The following CLEC1A variants were observed in gnomAD, a reference collection of about 807,000 sequenced individuals.
CLEC1A encodes the protein C-type lectin domain family 1 member A, also known as C-type lectin-like receptor-1.
A neutral mutation model predicts 28.7 loss-of-function variants in CLEC1A; 34 were observed. That is an observed-to-expected ratio of 1.18 (90% CI 0.90 to 1.57). The LOEUF is 1.57. Ranked by LOEUF, CLEC1A falls within the 40% of genes most tolerant of loss-of-function variation. CLEC1A has a pLI of 0.00. For missense variants in CLEC1A, 385 were observed against 339.5 expected (o/e 1.13, Z -1.05); for synonymous variants, 116 against 121.0 (o/e 0.96, Z 0.27).
At chr12:10,071,542 A>G in intron 5 of CLEC1A, 29 bp from the exon 6 acceptor site, 1 of 1,505,242 alleles carries the variant, frequency 6.6e-7, no homozygotes, top group Non-Finnish European at 9.0e-7. Context: ...AGTAAATTCA[A>G]TCACGGTTTA....
chr12:10,092,231 C>T (rs573452956), intron 1 of CLEC1A, among the ~76,000 whole-genome samples: 22 of 152,322 alleles, frequency 1.4e-4, no homozygotes, highest in East Asian at 5.8e-4. Flanking sequence ...CCGCCAGGCA[C>T]GGTGGCTTAG....
chr12:10,076,103 G>C (rs1253104238), intron 3 of CLEC1A, among the ~76,000 whole-genome samples: 2 of 152,286 alleles, frequency 1.3e-5, no homozygotes, highest in East Asian at 3.9e-4. Context: ...ATGATGTGGA[G>C]TCTTTTTAAG....
intron 1 of CLEC1A, among the ~76,000 whole-genome samples, chr12:10,096,983 G>T (rs1424212454): frequency 6.6e-6 from 1 of 152,096 alleles, no homozygotes; most frequent in Non-Finnish European, 1.5e-5. Flanking sequence ...TTACTCCTTA[G>T]TTGAGAATTG....
At position 10,071,266 on chromosome 12, in the gene CLEC1A, T is replaced by C. The variant is rs1866120250; in HGVS notation, c.*67A>G. 7.1e-7 allele frequency: 1 copy of C among 1,414,044 alleles called. No individual in the cohort carries two copies. The highest frequency in any genetic ancestry group is 2.3e-5 in the East Asian group (1 of 43,250). The allele number at this position is 1,414,044 out of a possible 1,614,324, so 87.6% of individuals were successfully genotyped here. A position where few individuals can be genotyped will look rare whatever the true frequency, so the allele number is the denominator to read the frequency against. On this transcript the variant is annotated 3_prime_UTR_variant, in exon 6 of 6. Coordinates refer to ENST00000315330, the MANE Select transcript of CLEC1A (RefSeq NM_016511.4). ...TTCCTGATTATGTTCCATTTCCCAATGTCTCAACTAGCCCTTGCTTTGGCA... is the reference window on the plus strand; with the variant it reads ...TTCCTGATTATGTTCCATTTCCCAACGTCTCAACTAGCCCTTGCTTTGGCA...
In CLEC1A at chr12:10,081,373, G is replaced by A. The variant is rs1339357413; in HGVS notation, c.255C>T (p.Thr85=). 1.9e-6 allele frequency: 3 copies of A among 1,612,490 alleles called. No individual in the cohort carries two copies. The highest frequency in any genetic ancestry group is 2.5e-6 in the Non-Finnish European group (3 of 1,179,340). The change falls in exon 3 of 6, where the codon ACC becomes ACT. Residue 85 remains threonine (T), a synonymous_variant. Transcript: ENST00000315330. The part of the protein sequence containing the change: ...YYQLSNTGQD[T]ISQMEERLGN... ...CTAATCTTTCTTCCATTTGAGAAAT[G>A]GTGTCTTGACCAGTATTGGAGAGCT...
intron 2 of CLEC1A, among the ~76,000 whole-genome samples, chr12:10,083,707 A>G (rs1296650940): frequency 6.6e-6 from 1 of 152,208 alleles, no homozygotes; most frequent in Admixed American, 6.5e-5. Flanking sequence ...TCCTGACCTC[A>G]GGAGATCTGC....
In CLEC1A at chr12:10,079,878, T is replaced by C. The variant is rs1157967639; in HGVS notation, c.391+1359A>G. On this transcript the variant is annotated intron_variant, in intron 3 of 5. Transcript: ENST00000315330. Reference sequence around the variant, plus strand: ...AATAAAAATAATTTTTGAGATAGTATCTTACTATATTGCCTGGGCTGGTCT... The same window carrying C: ...AATAAAAATAATTTTTGAGATAGTACCTTACTATATTGCCTGGGCTGGTCT... 5.3e-5 allele frequency among the ~76,000 whole-genome samples: 8 copies of C among 152,164 alleles called. 1 individual carries two copies. Among genetic ancestry groups the C allele is most frequent in the East Asian group, 3.9e-4 (2 of 5,176 alleles).
At chr12:10,076,800 G>A (rs1427060154) in intron 3 of CLEC1A, among the ~76,000 whole-genome samples, 1 of 152,224 alleles carries the variant, frequency 6.6e-6, no homozygotes, top group Non-Finnish European at 1.5e-5. Flanking sequence ...GGTCCCTGTT[G>A]TTGTGAGAAC....
chr12:10,091,509 G>A (rs1225389088), intron 1 of CLEC1A, among the ~76,000 whole-genome samples: 1 of 152,084 alleles, frequency 6.6e-6, no homozygotes, highest in African/African-American at 2.4e-5. Context: ...ACTTTTGTGA[G>A]ATTATATCAT....
In CLEC1A at chr12:10,098,883, C is replaced by G. The variant is rs1565611318; in HGVS notation, c.40G>C (p.Asp14His). The change falls in exon 1 of 6, where the codon GAT becomes CAT. Residue 14 changes from aspartate (D) to histidine (H), a missense_variant. Transcript: ENST00000315330. ...AGGCTCATGGTGGTGTCCCCATCAT[C>G]ATCCAGCATGTCCCTCGTGCTGCTG... Reference protein sequence around the residue: ...KYSSTRDMLDDDGDTTMSLHS... With the variant: ...KYSSTRDMLDHDGDTTMSLHS... The G allele has an allele frequency of 6.2e-7, 1 of 1,613,736 alleles. No individual in the cohort carries two copies. Among genetic ancestry groups the G allele is most frequent in the Non-Finnish European group, 8.5e-7 (1 of 1,179,834 alleles).
rs1866240639 is a variant in CLEC1A, at chr12:10,075,795, A to G, written c.392-140T>C. ...ATTAATTACCCAGGCAATGATAACTACAATGTTTACTGGATACCTACTAAC... is the reference window on the plus strand; with the variant it reads ...ATTAATTACCCAGGCAATGATAACTGCAATGTTTACTGGATACCTACTAAC... On this transcript the variant is annotated intron_variant, in intron 3 of 5. Coordinates refer to ENST00000315330, the MANE Select transcript of CLEC1A (RefSeq NM_016511.4). 1.6e-5 allele frequency: 11 copies of G among 703,066 alleles called. No homozygotes were observed. In the South Asian group the frequency reaches 2.2e-4, roughly 14 times the overall value. The allele number at this position is 703,066 out of a possible 1,614,324, so 43.6% of individuals were successfully genotyped here.
At chr12:10,094,025 G>A (rs1021945916) in intron 1 of CLEC1A, among the ~76,000 whole-genome samples, 35 of 151,998 alleles carry the variant, frequency 2.3e-4, no homozygotes, top group African/African-American at 7.2e-4. Flanking sequence ...TATTTGAAAA[G>A]AGTATACATC....
intron 2 of CLEC1A, among the ~76,000 whole-genome samples, chr12:10,084,820 T>G (rs1343501784): frequency 2.1e-4 from 2 of 9,626 alleles, no homozygotes; most frequent in African/African-American, 7.2e-4. Context: ...AGACTCTGTA[T>G]CAAAAAAAAA....
intron 1 of CLEC1A, among the ~76,000 whole-genome samples, chr12:10,090,544 A>C (rs11053575): frequency 0.47 from 71,984 of 151,978 alleles, 20,646 homozygotes; most frequent in Middle Eastern, 0.73. Flanking sequence ...GATTACAGGC[A>C]TGAGCCACCG....
chr12:10,094,206 T>G (rs1215981345), intron 1 of CLEC1A, among the ~76,000 whole-genome samples: 1 of 152,136 alleles, frequency 6.6e-6, no homozygotes, highest in Non-Finnish European at 1.5e-5. Flanking sequence ...CCATTAATGA[T>G]AATTGCTCAA....
intron 3 of CLEC1A, among the ~76,000 whole-genome samples, chr12:10,077,848 G>GTATTTCCTCT (rs1866286390): frequency 1.3e-5 from 2 of 151,890 alleles, no homozygotes; most frequent in South Asian, 4.2e-4. Flanking sequence ...GTATGTGTCT[G>GTATTTCCTCT]GCCCAGAATT....
At chr12:10,080,976 C>T (rs1472951505) in intron 3 of CLEC1A, among the ~76,000 whole-genome samples, 3 of 152,106 alleles carry the variant, frequency 2.0e-5, no homozygotes, top group Non-Finnish European at 4.4e-5. Context: ...TTTCTTTACT[C>T]GTAGTCTTAT....
intron 3 of CLEC1A, among the ~76,000 whole-genome samples, chr12:10,080,503 G>C (rs543122875): frequency 6.6e-6 from 1 of 152,274 alleles, no homozygotes; most frequent in African/African-American, 2.4e-5. Context: ...TAGATGAGGA[G>C]ACTTTGCCCT....
At chr12:10,095,051 A>G (rs1947758753) in intron 1 of CLEC1A, among the ~76,000 whole-genome samples, 2 of 152,166 alleles carry the variant, frequency 1.3e-5, no homozygotes, top group Admixed American at 1.3e-4. Context: ...ATTGATTTAG[A>G]GTATTCCTTC....
Sources: allele counts gnomAD v4.1 joint callset (sites outside exome capture counted in the v4.1 genomes callset), GRCh38; gene constraint gnomAD v4.1.1; transcripts MANE v1.5; gene names NCBI Gene and HGNC (gene_info 2026-07-23, HGNC 2026-07-21).